Variants in ACOT1 observed in about 807,000 individuals in gnomAD.
ACOT1 encodes the protein acyl-coenzyme A thioesterase 1.
In ACOT1, 8 loss-of-function variants were observed where a neutral mutation model predicts 15.7. The observed-to-expected ratio is 0.51, with a 90% CI of 0.30 to 0.92. The LOEUF (loss-of-function observed/expected upper bound fraction) is 0.92. ACOT1 is among the 40% of genes least tolerant of loss of function. The pLI, the probability that ACOT1 is intolerant of heterozygous loss-of-function variation, is 0.06. For missense variants in ACOT1, 151 were observed against 539.4 expected, an observed-to-expected ratio of 0.28 and a Z score of 7.13; for synonymous variants, 67 against 241.2, an observed-to-expected ratio of 0.28 and a Z score of 6.69.
chr14:73,509,558 C>A, the ACOT1 span: 1 of 1,378,402 alleles, frequency 7.3e-7, no homozygotes, highest in Non-Finnish European at 1.0e-6. Context: ...ATGTGGTGGC[C>A]AACCTCAGTC....
Position 73,541,765 on chromosome 14 carries a change from A to G in ACOT1, c.660+70A>G, listed in dbSNP as rs1889096002. The stretch of plus-strand genomic sequence containing the variant: ...CTTCTTAAATGGTCTGGGTTTTCAC[A>G]GAAGTTAGCTCATTCATGACAGCCA... On this transcript the variant is annotated intron_variant, in intron 2 of 2. Coordinates refer to ENST00000311148, the MANE Select transcript of ACOT1 (RefSeq NM_001037161.2). The G allele has an allele frequency of 3.8e-6, 4 of 1,049,442 alleles. 1 individual carries two copies. Among genetic ancestry groups the G allele is most frequent in the Non-Finnish European group, 3.9e-6 (3 of 759,624 alleles). The allele number at this position is 1,049,442 out of a possible 1,614,324, so 65.0% of individuals were successfully genotyped here.
the ACOT1 span, among the ~76,000 whole-genome samples, chr14:73,503,751 A>AT: frequency 6.6e-6 from 1 of 152,158 alleles, no homozygotes; most frequent in Admixed American, 6.6e-5. Context: ...TATTTGTAAC[A>AT]TTTACTAACG....
chr14:73,497,274 A>G, the ACOT1 span, among the ~76,000 whole-genome samples: 1 of 152,232 alleles, frequency 6.6e-6, no homozygotes, highest in African/African-American at 2.4e-5. Flanking sequence ...TCCTGACCTC[A>G]GGTGATCCAT....
At chr14:73,501,509 C>T in the ACOT1 span, among the ~76,000 whole-genome samples, 1 of 151,688 alleles carries the variant, frequency 6.6e-6, no homozygotes, top group South Asian at 2.1e-4. Context: ...CCTGCCTCAG[C>T]CTGAGTAGCT....
At chr14:73,497,255 G>C in the ACOT1 span, among the ~76,000 whole-genome samples, 1 of 152,176 alleles carries the variant, frequency 6.6e-6, no homozygotes, top group East Asian at 1.9e-4. Context: ...GGCCAGGCTG[G>C]TCTAGAACTC....
intron 1 of ACOT1, 124 bp from the exon 2 acceptor site, chr14:73,541,369 G>T: frequency 1.2e-6 from 1 of 820,078 alleles, no homozygotes; most frequent in Non-Finnish European, 1.8e-6. Flanking sequence ...TTTCTCGTGG[G>T]TAGATACCTA....
the ACOT1 span, chr14:73,495,473 T>A: frequency 8.9e-7 from 1 of 1,124,606 alleles, no homozygotes; most frequent in Non-Finnish European, 1.3e-6. Flanking sequence ...ATAAAGTGAT[T>A]GTAGGAGGCT....
At chr14:73,499,681 C>A in the ACOT1 span, among the ~76,000 whole-genome samples, 3 of 152,098 alleles carry the variant, frequency 2.0e-5, no homozygotes, top group African/African-American at 7.2e-5. Context: ...AGATCTGGGG[C>A]CATATGGCTT....
chr14:73,491,298 G>T, the ACOT1 span: 5 of 1,541,442 alleles, frequency 3.2e-6, 1 homozygote, highest in East Asian at 5.0e-5. Flanking sequence ...GCAGCCCGGC[G>T]AGAGCCATAC....
the ACOT1 span, chr14:73,491,554 G>A: frequency 1.2e-5 from 19 of 1,536,784 alleles, no homozygotes; most frequent in Non-Finnish European, 1.7e-5. Flanking sequence ...GTGGGGAGCC[G>A]GCCTGGGACT....
chr14:73,516,823 C>A, the ACOT1 span, among the ~76,000 whole-genome samples: 8 of 152,268 alleles, frequency 5.3e-5, no homozygotes, highest in East Asian at 1.5e-3. Flanking sequence ...GTCTAGGCTG[C>A]GCACCCTTTA....
the ACOT1 span, chr14:73,498,367 T>C: frequency 6.4e-7 from 1 of 1,562,302 alleles, no homozygotes; most frequent in Non-Finnish European, 8.7e-7. Context: ...GAGGGCAGCA[T>C]GTCACTGAAG....
At chr14:73,511,986 A>T in the ACOT1 span, 14 of 1,613,580 alleles carry the variant, frequency 8.7e-6, no homozygotes, top group African/African-American at 2.7e-5. Context: ...GTTCTCAAGC[A>T]GTTCAGCTTT....
At chr14:73,502,944 G>A in the ACOT1 span, 1 of 1,613,964 alleles carries the variant, frequency 6.2e-7, no homozygotes, top group African/African-American at 1.3e-5. Context: ...CCAAGCGCCT[G>A]TGCAGCTGCT....
At chr14:73,502,862 G>A in the ACOT1 span, 1 of 1,523,046 alleles carries the variant, frequency 6.6e-7, no homozygotes, top group South Asian at 1.1e-5. Flanking sequence ...TAAGAATTTA[G>A]AAGAGTGTCT....
At chr14:73,505,018 G>A in the ACOT1 span, among the ~76,000 whole-genome samples, 2 of 150,882 alleles carry the variant, frequency 1.3e-5, no homozygotes, top group South Asian at 2.1e-4. Context: ...TGAAACCGCC[G>A]CCTCCCAGGT....
the ACOT1 span, among the ~76,000 whole-genome samples, chr14:73,523,722 G>A: frequency 2.0e-5 from 3 of 151,984 alleles, no homozygotes; most frequent in African/African-American, 7.3e-5. Context: ...ATGGCCTTTC[G>A]TACTTGACAC....
chr14:73,527,654 T>C, the ACOT1 span, among the ~76,000 whole-genome samples: 12 of 151,722 alleles, frequency 7.9e-5, no homozygotes, highest in Non-Finnish European at 1.6e-4. Context: ...GAAGAAAGAA[T>C]TGGTGAGCTT....
At chr14:73,520,762 T>A in the ACOT1 span, 1 of 1,235,608 alleles carries the variant, frequency 8.1e-7, no homozygotes, top group Non-Finnish European at 1.2e-6. Flanking sequence ...CTCTTGTCCA[T>A]ACCCACAACT....
Sources: allele counts gnomAD v4.1 joint callset (sites outside exome capture counted in the v4.1 genomes callset), GRCh38; gene constraint gnomAD v4.1.1; transcripts MANE v1.5; gene names NCBI Gene and HGNC (gene_info 2026-07-23, HGNC 2026-07-21).